The following SATB2 variants were observed in gnomAD, a reference collection of about 807,000 sequenced individuals.
SATB2 encodes DNA-binding protein SATB2.
SATB2 carries 1 observed loss-of-function variant against 73.4 expected under a neutral mutation model. The observed-to-expected ratio is 0.01, with a 90% CI of 0.00 to 0.06. The LOEUF (loss-of-function observed/expected upper bound fraction) is 0.06, where lower values mean the gene tolerates loss of function less well. Ranked by LOEUF, SATB2 falls within the 10% of genes least tolerant of loss-of-function variation. The pLI, the probability that SATB2 is intolerant of heterozygous loss-of-function variation, is 1.00. For synonymous variants in SATB2, 397 were observed against 367.0 expected (o/e 1.08, Z -0.93); for missense variants, 459 against 945.8 (o/e 0.49, Z 6.75).
At chr2:199,353,920 C>T (rs1426340335) in intron 6 of SATB2, among the ~76,000 whole-genome samples, 1 of 152,154 alleles carries the variant, frequency 6.6e-6, no homozygotes, top group African/African-American at 2.4e-5. Context: ...CTTATCCCTG[C>T]AGTATTTAGC....
intron 3 of SATB2, among the ~76,000 whole-genome samples, chr2:199,411,811 C>G (rs984998455): frequency 4.6e-5 from 7 of 152,170 alleles, no homozygotes; most frequent in African/African-American, 1.7e-4. Context: ...GTGTTAACAA[C>G]TGTTACAAAG....
At chr2:199,452,002 A>T (rs1692137468) in intron 2 of SATB2, among the ~76,000 whole-genome samples, 1 of 152,126 alleles carries the variant, frequency 6.6e-6, no homozygotes, top group Non-Finnish European at 1.5e-5. Flanking sequence ...TAAAACATAA[A>T]TTATTTTTCA....
intron 7 of SATB2, among the ~76,000 whole-genome samples, chr2:199,331,294 T>G (rs538819918): frequency 2.0e-5 from 3 of 152,132 alleles, no homozygotes; most frequent in Admixed American, 1.3e-4. Context: ...ACAGGGAAAT[T>G]AATCCATCTC....
intron 6 of SATB2, among the ~76,000 whole-genome samples, chr2:199,367,562 T>C (rs1689323477): frequency 6.6e-6 from 1 of 152,176 alleles, no homozygotes. Context: ...TGAGAAAATC[T>C]GCAAGTAGTA....
upstream of SATB2, chr2:199,458,892 C>A (rs944558887): frequency 1.9e-4 from 59 of 308,264 alleles, no homozygotes; most frequent in African/African-American, 1.4e-3. Context: ...GGGAAGGCCG[C>A]TTCTCCTTCA....
chr2:199,420,407 A>T (rs151195283), intron 3 of SATB2, among the ~76,000 whole-genome samples: 5 of 152,286 alleles, frequency 3.3e-5, no homozygotes, highest in Admixed American at 6.5e-5. Flanking sequence ...AGGCATTCCA[A>T]TAGGAGATGA....
At chr2:199,369,121 C>T (rs1024218552) in intron 5 of SATB2, among the ~76,000 whole-genome samples, 6 of 152,106 alleles carry the variant, frequency 3.9e-5, no homozygotes, top group African/African-American at 1.2e-4. Context: ...AACATCCGTG[C>T]TACACACTGC....
intron 6 of SATB2, among the ~76,000 whole-genome samples, chr2:199,366,028 T>C (rs1689272511): frequency 6.6e-6 from 1 of 152,138 alleles, no homozygotes; most frequent in Admixed American, 6.6e-5. Context: ...AAACAGACAT[T>C]AGCAGATAAT....
At chr2:199,411,837 G>C (rs1026295625) in intron 3 of SATB2, among the ~76,000 whole-genome samples, 1 of 152,210 alleles carries the variant, frequency 6.6e-6, no homozygotes, top group African/African-American at 2.4e-5. Context: ...TGTTATAGGG[G>C]CATAAAGAAG....
chr2:199,408,589 C>T (rs1690706608), intron 3 of SATB2, among the ~76,000 whole-genome samples: 2 of 151,284 alleles, frequency 1.3e-5, no homozygotes, highest in Admixed American at 6.6e-5. Flanking sequence ...AGGGTAAAAA[C>T]CGCAATTACT....
At chr2:199,295,580 A>C (rs1449637280) in intron 10 of SATB2, among the ~76,000 whole-genome samples, 3 of 152,078 alleles carry the variant, frequency 2.0e-5, no homozygotes, top group African/African-American at 7.2e-5. Flanking sequence ...TCTCCAGCAT[A>C]CTCTGACTCT....
rs1574492405 is a variant in SATB2 at position 199,308,905 on chromosome 2, C to T, written c.1595G>A (p.Arg532His). Reference sequence around the variant, plus strand: ...GGTACAGAGGTTTTCCCAGAGGGTGCGGTTTTCTGGGCTTGGGTTCTCCTT... The same window carrying T: ...GGTACAGAGGTTTTCCCAGAGGGTGTGGTTTTCTGGGCTTGGGTTCTCCTT... Reference protein sequence around the residue: ...RWKENPSPENRTLWENLCTIR... With the variant: ...RWKENPSPENHTLWENLCTIR... Residue 532 changes from arginine (R) to histidine (H), a missense_variant, in exon 10 of 11, where the codon CGC becomes CAC. Arg to His is a conservative substitution (Grantham distance 29). Transcript: ENST00000417098. This position sits in a 1 kb window ranked among gnomAD's most constrained non-coding sequence, Gnocchi z 4.6. 1.2e-6 allele frequency: 2 copies of T among 1,614,112 alleles called. No individual in the cohort carries two copies. Among genetic ancestry groups the T allele is most frequent in the Non-Finnish European group, 1.7e-6 (2 of 1,179,998 alleles).
chr2:199,389,187 G>T (rs902510825), intron 3 of SATB2, among the ~76,000 whole-genome samples: 3 of 151,712 alleles, frequency 2.0e-5, no homozygotes, highest in Non-Finnish European at 2.9e-5. Flanking sequence ...TGAGGAAAAA[G>T]AAAAAAAGGT....
intron 2 of SATB2, among the ~76,000 whole-genome samples, chr2:199,435,106 A>C (rs567115154): frequency 3.3e-5 from 5 of 152,282 alleles, no homozygotes; most frequent in African/African-American, 1.2e-4. Context: ...TGAGAACAAG[A>C]AAGCAGTATT....
intron 3 of SATB2, among the ~76,000 whole-genome samples, chr2:199,425,495 G>A (rs542206396): frequency 6.6e-6 from 1 of 152,142 alleles, no homozygotes; most frequent in South Asian, 2.1e-4. Context: ...TTTTTAGTGG[G>A]CATTCAAGTA....
chr2:199,289,424 A>T (rs565665285), intron 10 of SATB2, among the ~76,000 whole-genome samples: 1 of 152,274 alleles, frequency 6.6e-6, no homozygotes, highest in South Asian at 2.1e-4. Flanking sequence ...CACAAGCAAG[A>T]TTCCAGTCTC....
intron 6 of SATB2, among the ~76,000 whole-genome samples, chr2:199,351,377 A>C (rs889481590): frequency 1.1e-4 from 17 of 151,928 alleles, no homozygotes; most frequent in Non-Finnish European, 1.5e-4. Context: ...TGGCCAGGCT[A>C]GTCTCAAACT....
chr2:199,385,880 T>C (rs1689915758), intron 3 of SATB2, among the ~76,000 whole-genome samples: 2 of 152,044 alleles, frequency 1.3e-5, no homozygotes, highest in African/African-American at 4.8e-5. Flanking sequence ...TTTGGGCAAA[T>C]TGTTTAGTCT....
chr2:199,431,031 T>C (rs1691485576), intron 3 of SATB2, among the ~76,000 whole-genome samples: 1 of 152,256 alleles, frequency 6.6e-6, no homozygotes, highest in Non-Finnish European at 1.5e-5. Context: ...CTGCTTTAAA[T>C]GGATTTGCCA....
Sources: allele counts gnomAD v4.1 joint callset (sites outside exome capture counted in the v4.1 genomes callset), GRCh38; gene constraint gnomAD v4.1.1; non-coding constraint Gnocchi (gnomAD v3.1); transcripts MANE v1.5; gene names NCBI Gene and HGNC (gene_info 2026-07-23, HGNC 2026-07-21).